The following CADM1 variants were observed in gnomAD, a reference collection of about 807,000 sequenced individuals.
The protein encoded by CADM1 is TSLC-1.
A neutral mutation model predicts 53.1 loss-of-function variants in CADM1; 15 were observed. The ratio of observed to expected loss-of-function variants is 0.28; its 90% CI spans 0.19 to 0.44. The LOEUF is 0.44. CADM1 is among the 20% of genes least tolerant of loss of function. The pLI is 1.00. For missense variants in CADM1, 434 were observed against 611.3 expected (o/e 0.71, Z 3.06); for synonymous variants, 281 against 243.0 (o/e 1.16, Z -1.45).
At chr11:115,469,969 A>G (rs915079061) in intron 1 of CADM1, among the ~76,000 whole-genome samples, 1 of 152,166 alleles carries the variant, frequency 6.6e-6, no homozygotes, top group African/African-American at 2.4e-5. Flanking sequence ...CACCGTGCCC[A>G]GCCCTGGGGC....
chr11:115,311,355 G>A (rs1289040234), intron 1 of CADM1, among the ~76,000 whole-genome samples: 1 of 152,082 alleles, frequency 6.6e-6, no homozygotes, highest in East Asian at 1.9e-4. Flanking sequence ...ACTGGGCTAA[G>A]CACTCCACAA....
intron 1 of CADM1, among the ~76,000 whole-genome samples, chr11:115,449,844 A>G (rs2135345928): frequency 6.6e-6 from 1 of 152,318 alleles, no homozygotes; most frequent in Non-Finnish European, 1.5e-5. Flanking sequence ...AGTGACATAC[A>G]CATGTGCACA....
intron 1 of CADM1, among the ~76,000 whole-genome samples, chr11:115,284,087 A>ACTCTCTCTCTCTCTCTCTCTCT (rs141079093): frequency 0.03 from 1,416 of 46,918 alleles, 129 homozygotes; most frequent in Non-Finnish European, 0.038. Flanking sequence ...AAGCCCAGAC[A>ACTCTCTCTCTCTCTCTCTCTCT]CTCTCTCTCT....
At chr11:115,416,096 C>T (rs1465091643) in intron 1 of CADM1, among the ~76,000 whole-genome samples, 1 of 152,214 alleles carries the variant, frequency 6.6e-6, no homozygotes, top group Non-Finnish European at 1.5e-5. Flanking sequence ...GTCTGGCATG[C>T]AGTTTAAATA....
intron 1 of CADM1, among the ~76,000 whole-genome samples, chr11:115,334,482 C>T (rs530474758): frequency 2.0e-5 from 3 of 151,006 alleles, no homozygotes; most frequent in Non-Finnish European, 4.4e-5. Context: ...GATGAGTACC[C>T]CATCAGGTGA....
chr11:115,392,060 A>G (rs779891954), intron 1 of CADM1, among the ~76,000 whole-genome samples: 15 of 152,152 alleles, frequency 9.9e-5, no homozygotes, highest in Non-Finnish European at 1.8e-4. Context: ...TTCACATGTC[A>G]TATTCTCATT....
At chr11:115,224,592 G>A (rs1941532633) in intron 5 of CADM1, among the ~76,000 whole-genome samples, 1 of 152,080 alleles carries the variant, frequency 6.6e-6, no homozygotes, top group Non-Finnish European at 1.5e-5. Flanking sequence ...GCTATGATGG[G>A]TGAAAGCAGA....
intron 1 of CADM1, among the ~76,000 whole-genome samples, chr11:115,351,189 A>T (rs1945726988): frequency 6.6e-6 from 1 of 152,222 alleles, no homozygotes; most frequent in African/African-American, 2.4e-5. Context: ...AAAAAATGAA[A>T]AAGACTGGAA....
chr11:115,363,091 G>T (rs1010686805), intron 1 of CADM1, among the ~76,000 whole-genome samples: 1 of 152,110 alleles, frequency 6.6e-6, no homozygotes, highest in Non-Finnish European at 1.5e-5. Context: ...CTTCCATTAA[G>T]AATCAATCTT....
Position 115,248,489 on chromosome 11 carries a change from C to T in CADM1, c.125-8069G>A, listed in dbSNP as rs1233061647. Among the ~76,000 whole-genome samples, 5 of 152,162 alleles carry T rather than the reference C, an allele frequency of 3.3e-5. No homozygotes were observed. The East Asian group carries it at 9.6e-4, about 29-fold the overall frequency. ...GTTTATGCGGAGTGACACCCATCCA[C>T]TAAACTTGAAGATCTGAATTAGCTT... On this transcript the variant is annotated intron_variant, in intron 1 of 11. Coordinates refer to ENST00000331581, the MANE Select transcript of CADM1 (RefSeq NM_001301043.2).
chr11:115,388,480 T>C (rs542814945), intron 1 of CADM1, among the ~76,000 whole-genome samples: 2 of 152,240 alleles, frequency 1.3e-5, no homozygotes, highest in Admixed American at 6.5e-5. Flanking sequence ...TTATTAGTTG[T>C]AAGGGTTAAT....
chr11:115,383,758 T>G (rs1591766027), intron 1 of CADM1, among the ~76,000 whole-genome samples: 1 of 152,216 alleles, frequency 6.6e-6, no homozygotes, highest in Non-Finnish European at 1.5e-5. Flanking sequence ...TCTTAGGAAT[T>G]TCTGAAACAC....
rs548009580 is a variant in CADM1, at chr11:115,504,336, G to A, written c.59C>T (p.Ala20Val). Residue 20 changes from alanine to valine, a missense_variant, in exon 1 of 12, where the codon GCG (alanine) becomes GTG (valine). Physicochemically the swap from Ala to Val is moderately conservative, Grantham distance 64. Coordinates refer to ENST00000331581, the MANE Select transcript of CADM1 (RefSeq NM_001301043.2). The stretch of plus-strand genomic sequence containing the variant: ...AAGCCGGAGCCGGAGCCCGGGAGGC[G>A]CCGCCGCCGCCGCTGCCGCCGCACA... ...SQCAAAAAAA[A>V]PPGLRLRLLL... The A allele has an allele frequency of 2.6e-6, 4 of 1,546,814 alleles. No individual in the cohort carries two copies. In the East Asian group the frequency reaches 7.3e-5, roughly 28 times the overall value.
At chr11:115,475,798 G>A (rs902893529) in intron 1 of CADM1, among the ~76,000 whole-genome samples, 1 of 152,164 alleles carries the variant, frequency 6.6e-6, no homozygotes, top group African/African-American at 2.4e-5. Flanking sequence ...TGACTAGAGA[G>A]AGACACCATG....
intron 1 of CADM1, among the ~76,000 whole-genome samples, chr11:115,291,039 G>C (rs1489966269): frequency 6.6e-6 from 1 of 152,114 alleles, no homozygotes; most frequent in African/African-American, 2.4e-5. Flanking sequence ...TCAAGATAGC[G>C]TAGTGCCCAA....
intron 1 of CADM1, among the ~76,000 whole-genome samples, chr11:115,451,314 G>C (rs2135349018): frequency 6.6e-6 from 1 of 152,334 alleles, no homozygotes; most frequent in Middle Eastern, 3.4e-3. Context: ...GGAAAGGGCT[G>C]TAATTTTTTT....
chr11:115,244,132 C>A (rs777297714), intron 1 of CADM1, among the ~76,000 whole-genome samples: 25 of 152,196 alleles, frequency 1.6e-4, no homozygotes, highest in Non-Finnish European at 2.9e-4. Flanking sequence ...TACAATCAAG[C>A]TTCCTGTAGT....
At chr11:115,317,159 A>C (rs913515054) in intron 1 of CADM1, among the ~76,000 whole-genome samples, 3 of 152,216 alleles carry the variant, frequency 2.0e-5, no homozygotes, top group Admixed American at 6.5e-5. Context: ...GGTCTTCTTC[A>C]TAACAATATA....
chr11:115,476,886 C>T (rs775693479), intron 1 of CADM1, among the ~76,000 whole-genome samples: 1 of 152,126 alleles, frequency 6.6e-6, no homozygotes, highest in Admixed American at 6.6e-5. Context: ...ACAGATGACA[C>T]TCAAGAAATA....
Sources: allele counts gnomAD v4.1 joint callset (sites outside exome capture counted in the v4.1 genomes callset), GRCh38; gene constraint gnomAD v4.1.1; transcripts MANE v1.5; gene names NCBI Gene and HGNC (gene_info 2026-07-23, HGNC 2026-07-21).